CARS1: variants seen among roughly 807,000 people sequenced by gnomAD.
CARS1 encodes the protein cysteinyl-tRNA synthetase 1.
CARS1 carries 48 observed loss-of-function variants against 106.2 expected under a neutral mutation model. That is an observed-to-expected ratio of 0.45 (90% confidence interval 0.36 to 0.57). The LOEUF (loss-of-function observed/expected upper bound fraction) is 0.57, where lower values mean the gene tolerates loss of function less well. CARS1 is among the 20% of genes least tolerant of loss of function. The pLI is 0.00. For missense variants in CARS1, 968 were observed against 1,057.2 expected (o/e 0.92, Z 1.17); for synonymous variants, 409 against 403.4 (o/e 1.01, Z -0.17).
rs937595806 is a variant in CARS1, at chr11:3,057,329, G to A, written c.25+14C>T. ...CCCCAGCCGCCCTCAGCCTGGCCCGGCCGCGCCGCTCACCCTGCTGCCCGG... is the reference window on the plus strand; with the variant it reads ...CCCCAGCCGCCCTCAGCCTGGCCCGACCGCGCCGCTCACCCTGCTGCCCGG... On this transcript the variant is annotated intron_variant, in intron 1 of 22. Coordinates refer to ENST00000380525, the MANE Select transcript of CARS1 (RefSeq NM_001014437.3). The A allele has an allele frequency of 4.4e-6, 7 of 1,607,362 alleles. No homozygotes were observed. The African/African-American group carries it at 9.4e-5, about 21-fold the overall frequency.
In CARS1 at chr11:3,020,583, C is replaced by T. The variant is rs188003382; in HGVS notation, c.1154-251G>A. Among the ~76,000 whole-genome samples the T allele has an allele frequency of 1.3e-4, 20 of 152,360 alleles. No individual in the cohort carries two copies. The East Asian group carries it at 3.5e-3, about 26-fold the overall frequency. Reference sequence around the variant, plus strand: ...TATATACCTGGCTGACTTGAGGCCACATCTGGGGTCTCCGTAAGACATTCA... The same window carrying T: ...TATATACCTGGCTGACTTGAGGCCATATCTGGGGTCTCCGTAAGACATTCA... On this transcript the variant is annotated intron_variant, in intron 10 of 22. Transcript: ENST00000380525. The surrounding 1 kb of genome is among the most constrained non-coding windows in gnomAD (Gnocchi z 4.6).
Position 3,042,293 on chromosome 11 carries a change from C to A in CARS1, c.275-37G>T. 4 of 1,540,518 alleles carry A rather than the reference C, an allele frequency of 2.6e-6. 1 individual carries two copies. In the South Asian group the frequency reaches 4.5e-5, roughly 17 times the overall value. On this transcript the variant is annotated intron_variant, in intron 2 of 22. Transcript: ENST00000380525. ...AGAGAGCAGGATCAGGGTCCAGGGG[C>A]AGCACCAGGAAGTGCAAGTCGCCTC... is the stretch of plus-strand genomic sequence containing the variant.
chr11:3,006,843 TG>T, intron 19 of CARS1, 35 bp downstream of exon 19: 1 of 1,551,408 alleles, frequency 6.4e-7, no homozygotes, highest in Non-Finnish European at 8.9e-7. Flanking sequence ...TCCAAGCTCC[TG>T]GTAACTTTGT....
In CARS1 at chr11:3,028,700, T is replaced by C. The variant is rs957448475; in HGVS notation, c.1031+296A>G. On this transcript the variant is annotated intron_variant, in intron 9 of 22. Coordinates refer to ENST00000380525, the MANE Select transcript of CARS1 (RefSeq NM_001014437.3). The surrounding 1 kb of genome is among the most constrained non-coding windows in gnomAD (Gnocchi z 4.4). Reference sequence around the variant, plus strand: ...ACTGATGTCTGTGAAGGCCCAGCAGTATTCGCACTCACCATTATGCAGCTC... The same window carrying C: ...ACTGATGTCTGTGAAGGCCCAGCAGCATTCGCACTCACCATTATGCAGCTC... 1 of 454,912 alleles carries C rather than the reference T, an allele frequency of 2.2e-6. No homozygotes were observed. The highest frequency in any genetic ancestry group is 3.9e-6 in the Non-Finnish European group (1 of 256,392). The allele number at this position is 454,912 out of a possible 1,614,324, so 28.2% of individuals were successfully genotyped here.
In CARS1 at chr11:3,022,307, C is replaced by T. The variant is rs1174898262; in HGVS notation, c.1154-1975G>A. 6.6e-6 allele frequency among the ~76,000 whole-genome samples: 1 copy of T among 152,180 alleles called. No individual in the cohort carries two copies. Among genetic ancestry groups the T allele is most frequent in the Non-Finnish European group, 1.5e-5 (1 of 68,024 alleles). ...TTGCCAACTGGTCTGAAGACCTGCA[C>T]CAAGGAACTGACTCGTCGCAGAAAT... On this transcript the variant is annotated intron_variant, in intron 10 of 22. Transcript: ENST00000380525. This position sits in a 1 kb window ranked among gnomAD's most constrained non-coding sequence, Gnocchi z 4.9.
chr11:3,054,899 G>C, intron 1 of CARS1: 2 of 702,590 alleles, frequency 2.8e-6, no homozygotes, highest in Middle Eastern at 4.6e-4. Context: ...CGACCAAGTG[G>C]TATCCCAAGT....
At chr11:3,026,910 A>T in intron 9 of CARS1, 113 bp from the exon 10 acceptor site, 1 of 1,177,984 alleles carries the variant, frequency 8.5e-7, no homozygotes, top group Non-Finnish European at 1.2e-6. Context: ...TCTGTGGCCT[A>T]TCTACTCTCT....
In CARS1 at chr11:3,047,839, A is replaced by G. The variant is rs778587118; in HGVS notation, c.188T>C (p.Leu63Pro). 5 of 1,614,050 alleles carry G rather than the reference A, an allele frequency of 3.1e-6. No homozygotes were observed. The highest frequency in any genetic ancestry group is 1.3e-5 in the African/African-American group (1 of 74,998). Reference sequence around the variant, plus strand: ...CCTGAACCACCGAGCCACGTGGAAGAGCTGGGGGTCAGCGGGCGGGGCCGA... The same window carrying G: ...CCTGAACCACCGAGCCACGTGGAAGGGCTGGGGGTCAGCGGGCGGGGCCGA... ...QLSAPPADPQ[L>P]FHVARWFRHI... The change falls in exon 2 of 23, where the codon CTC becomes CCC. Residue 63 changes from leucine to proline, a missense_variant. By Grantham distance (98) the Leu-to-Pro change is moderately conservative. Coordinates refer to ENST00000380525, the MANE Select transcript of CARS1 (RefSeq NM_001014437.3).
rs1383436733 is a variant in CARS1 at position 3,050,984 on chromosome 11, T to C, written c.26-2983A>G. On this transcript the variant is annotated intron_variant, in intron 1 of 22. Coordinates refer to ENST00000380525, the MANE Select transcript of CARS1 (RefSeq NM_001014437.3). The surrounding 1 kb of genome is among the most constrained non-coding windows in gnomAD (Gnocchi z 6.3). ...AACTGAGCGTGTGACATTCCAGATA[T>C]CAGCTAAAGTTGCCTAGGGCACAGA... 6.6e-6 allele frequency among the ~76,000 whole-genome samples: 1 copy of C among 152,238 alleles called. No homozygotes were observed. Among genetic ancestry groups the C allele is most frequent in the African/African-American group, 2.4e-5 (1 of 41,464 alleles).
At chr11:3,015,443 T>C (rs919105224) in intron 17 of CARS1, among the ~76,000 whole-genome samples, 1 of 152,234 alleles carries the variant, frequency 6.6e-6, no homozygotes, top group African/African-American at 2.4e-5. Context: ...GGTCAGTATA[T>C]GTGACGAAGT....
chr11:3,028,119 G>T lies in CARS1; in HGVS notation c.1031+877C>A. On this transcript the variant is annotated intron_variant, in intron 9 of 22. Coordinates refer to ENST00000380525, the MANE Select transcript of CARS1 (RefSeq NM_001014437.3). The surrounding 1 kb of genome is among the most constrained non-coding windows in gnomAD (Gnocchi z 4.4). ...AAGTCTCTGATATGCAGAAATAATG[G>T]CGTAAGCTGCCTCTCTCTGTCTCCT... 3.3e-6 allele frequency: 1 copy of T among 303,374 alleles called. No homozygotes were observed. The highest frequency in any genetic ancestry group is 2.8e-5 in the South Asian group (1 of 35,294). The allele number at this position is 303,374 out of a possible 1,614,324, so 18.8% of individuals were successfully genotyped here. A position where few individuals can be genotyped will look rare whatever the true frequency, so the allele number is the denominator to read the frequency against.
chr11:3,011,477 G>A (rs1008124649), intron 18 of CARS1, among the ~76,000 whole-genome samples: 3 of 152,082 alleles, frequency 2.0e-5, no homozygotes, highest in Admixed American at 1.3e-4. Context: ...AGCCGGGCGC[G>A]GTGGCAGGCG....
Position 3,043,997 on chromosome 11 carries a change from G to C in CARS1, c.275-1741C>G, listed in dbSNP as rs369615604. Among the ~76,000 whole-genome samples, 1 of 152,126 alleles carries C rather than the reference G, an allele frequency of 6.6e-6. No homozygotes were observed. The highest frequency in any genetic ancestry group is 2.4e-5 in the African/African-American group (1 of 41,416). On this transcript the variant is annotated intron_variant, in intron 2 of 22. Transcript: ENST00000380525. The surrounding 1 kb of genome is among the most constrained non-coding windows in gnomAD (Gnocchi z 4.0). ...TGCTTATTGAGGCCAAGTGCAGCTC[G>C]GCCTCAGTGTACTTTAAATGCCTCA...
chr11:3,025,716 A>C (rs1851991673), intron 10 of CARS1, among the ~76,000 whole-genome samples: 1 of 152,220 alleles, frequency 6.6e-6, no homozygotes, highest in South Asian at 2.1e-4. Context: ...ATGTGTCCCC[A>C]GATTCACTTA....
Position 3,040,026 on chromosome 11 carries a change from T to C in CARS1, c.456-95A>G. 1 of 639,734 alleles carries C rather than the reference T, an allele frequency of 1.6e-6. No individual in the cohort carries two copies. The highest frequency in any genetic ancestry group is 1.9e-5 in the South Asian group (1 of 52,060). 39.6% of individuals were successfully genotyped at this position (639,734 alleles called of 1,614,324 possible). On this transcript the variant is annotated intron_variant, in intron 4 of 22. Coordinates refer to ENST00000380525, the MANE Select transcript of CARS1 (RefSeq NM_001014437.3). The surrounding 1 kb of genome is among the most constrained non-coding windows in gnomAD (Gnocchi z 5.8). The stretch of plus-strand genomic sequence containing the variant: ...TTTGAACTGCATGAGTGCATTTATA[T>C]ATGATTTTCTCTGCCATCCCTGAAA...
Position 3,004,967 on chromosome 11 carries a change from G to A in CARS1, c.2217+399C>T, listed in dbSNP as rs1229416584. Among the ~76,000 whole-genome samples, 2 of 152,096 alleles carry A rather than the reference G, an allele frequency of 1.3e-5. No individual in the cohort carries two copies. Among genetic ancestry groups the A allele is most frequent in the East Asian group, 3.9e-4 (2 of 5,184 alleles). On this transcript the variant is annotated intron_variant, in intron 20 of 22. Coordinates refer to ENST00000380525, the MANE Select transcript of CARS1 (RefSeq NM_001014437.3). This position sits in a 1 kb window ranked among gnomAD's most constrained non-coding sequence, Gnocchi z 5.2. Reference sequence around the variant, plus strand: ...CTAAAAAAATACAAAAATTAGCTGGGCACAGTGGTGCGTGCCTGTAGTCCC... The same window carrying A: ...CTAAAAAAATACAAAAATTAGCTGGACACAGTGGTGCGTGCCTGTAGTCCC...
At chr11:3,056,901 T>C (rs1181545085) in intron 1 of CARS1, among the ~76,000 whole-genome samples, 3 of 152,076 alleles carry the variant, frequency 2.0e-5, no homozygotes, top group African/African-American at 4.8e-5. Flanking sequence ...TGAGGCTGGG[T>C]GGTCTGGGCA....
chr11:3,047,943 CA>C lies in CARS1; in HGVS notation c.83del (p.Leu28ArgfsTer46). 1.9e-6 allele frequency: 3 copies of C among 1,614,150 alleles called. No homozygotes were observed. The highest frequency in any genetic ancestry group is 2.5e-6 in the Non-Finnish European group (3 of 1,180,026). On this transcript the variant is annotated frameshift_variant, in exon 2 of 23. Coordinates refer to ENST00000380525, the MANE Select transcript of CARS1 (RefSeq NM_001014437.3). LOFTEE classifies it high-confidence loss of function. ...ISDEAARAQALNEHLSTRSYV... is the reference protein window; with the variant it reads ...ISDEAARAQAXNEHLSTRSYV... ...AGCTACGCGTGCTGAGGTGCTCGTT[CA>C]GGGCTTGTGCCCTGGCTGCCTCGTC...
rs114973661 is a variant in CARS1 at position 3,041,705 on chromosome 11, C to T, written c.366+460G>A. Among the ~76,000 whole-genome samples the T allele has an allele frequency of 6.1e-3, 936 of 152,338 alleles. 6 individuals carry two copies. The highest frequency in any genetic ancestry group is 0.021 in the African/African-American group (892 of 41,572). On this transcript the variant is annotated intron_variant, in intron 3 of 22. Coordinates refer to ENST00000380525, the MANE Select transcript of CARS1 (RefSeq NM_001014437.3). This position sits in a 1 kb window ranked among gnomAD's most constrained non-coding sequence, Gnocchi z 4.9. ...CCCTGAGCCAAGCAAACCATGCAAA[C>T]CCCATTCTGTTAGGAACCAATCCTG...
Sources: gnomAD v4.1 joint callset for allele counts (sites outside exome capture counted in the v4.1 genomes callset) on GRCh38, gnomAD v4.1.1 for gene constraint, Gnocchi (gnomAD v3.1) non-coding constraint, MANE v1.5 for transcripts, NCBI Gene and HGNC (gene_info 2026-07-23, HGNC 2026-07-21) for gene names.